Variants in RHBDF1 observed in about 807,000 individuals in gnomAD.
RHBDF1 encodes the protein inactive rhomboid protein 1.
A neutral mutation model predicts 98.6 loss-of-function variants in RHBDF1; 80 were observed. The ratio of observed to expected loss-of-function variants is 0.81; its 90% CI spans 0.68 to 0.98. The LOEUF is 0.98. Among genes scored for constraint, RHBDF1 ranks in the 50% least tolerant of loss-of-function variants. RHBDF1 has a pLI of 0.00. For missense variants in RHBDF1, 1,116 were observed against 1,198.3 expected (o/e 0.93, Z 1.01); for synonymous variants, 512 against 486.8 (o/e 1.05, Z -0.68).
rs1368023324 is a variant in RHBDF1 at position 63,125 on chromosome 16, C to A, written c.520G>T (p.Gly174Cys). ...AFRVADDTAE[G>C]LSAPHTPVTP... ...ACGGGAGTGTGTGGGGCACTCAGGC[C>A]TTCCGCAGTGTCATCTGCCACACGG... Residue 174 changes from glycine (G) to cysteine (C), a missense_variant, in exon 5 of 18, where the codon GGC becomes TGC. Coordinates refer to ENST00000262316, the MANE Select transcript of RHBDF1 (RefSeq NM_022450.5). The A allele has an allele frequency of 1.2e-6, 2 of 1,601,710 alleles. No individual in the cohort carries two copies. The highest frequency in any genetic ancestry group is 3.5e-5 in the Admixed American group (2 of 57,186).
At position 61,126 on chromosome 16, in the gene RHBDF1, C is replaced by A; in HGVS notation, c.1551G>T (p.Glu517Asp). The A allele has an allele frequency of 6.5e-7, 1 of 1,530,636 alleles. No homozygotes were observed. The highest frequency in any genetic ancestry group is 8.8e-7 in the Non-Finnish European group (1 of 1,140,570). 94.8% of individuals were successfully genotyped at this position (1,530,636 alleles called of 1,614,324 possible). ...CCCGGGCGGGGAAACGCACCGAGCA[C>A]TCCTCCTCCGAGGTCTGCACGCAGC... ...RSGCVQTSEE[E>D]CSSTLAVWVK... is the part of the protein sequence containing the mutation. Residue 517 changes from glutamate to aspartate, a missense_variant, in exon 11 of 18, where the codon GAG (glutamate) becomes GAT (aspartate). Transcript: ENST00000262316.
rs1351505767 is a variant in RHBDF1, at chr16:72,515, C to T, written c.-27G>A. The T allele has an allele frequency of 1.2e-6, 1 of 832,878 alleles. No homozygotes were observed. Among genetic ancestry groups the T allele is most frequent in the South Asian group, 6.0e-5 (1 of 16,630 alleles). 51.6% of individuals were successfully genotyped at this position (832,878 alleles called of 1,614,324 possible). On this transcript the variant is annotated splice_region_variant and 5_prime_UTR_variant, in exon 1 of 18. Transcript: ENST00000262316. ...CGCTCCCGGCCGCGCTCACTCACTG[C>T]CGCCGCCGGGGGCTCTGGGGGGTCC...
intron 1 of RHBDF1, among the ~76,000 whole-genome samples, chr16:70,007 CAGGA>C (rs386787511): frequency 1.9e-4 from 26 of 134,176 alleles, no homozygotes; most frequent in Non-Finnish European, 3.2e-4. Flanking sequence ...CAGCACTTGG[CAGGA>C]GGGGGGGGGG....
chr16:66,091 G>A (rs753861467), intron 1 of RHBDF1, among the ~76,000 whole-genome samples: 40 of 152,210 alleles, frequency 2.6e-4, no homozygotes, highest in Admixed American at 1.8e-3. Context: ...GGGACCACAC[G>A]GCGATTCCAG....
intron 3 of RHBDF1, chr16:64,265 C>T: frequency 7.5e-7 from 1 of 1,332,550 alleles, no homozygotes; most frequent in Non-Finnish European, 9.9e-7. Context: ...ACACTGGCAG[C>T]TCCCAAGAGG....
Position 72,552 on chromosome 16 carries a change from G to A in RHBDF1, c.-64C>T, listed in dbSNP as rs1177118938. The A allele has an allele frequency of 1.2e-6, 1 of 831,048 alleles. No homozygotes were observed. Among genetic ancestry groups the A allele is most frequent in the Non-Finnish European group, 1.3e-6 (1 of 759,816 alleles). The allele number at this position is 831,048 out of a possible 1,614,324, so 51.5% of individuals were successfully genotyped here. The stretch of plus-strand genomic sequence containing the variant: ...GCTCTGGGGGGTCCTGAGGGCGCCG[G>A]GGAGGAGGCTGCCGCCGCTGGCCGG... On this transcript the variant is annotated 5_prime_UTR_variant, in exon 1 of 18. Coordinates refer to ENST00000262316, the MANE Select transcript of RHBDF1 (RefSeq NM_022450.5).
chr16:61,346 T>C, intron 10 of RHBDF1, 39 bp downstream of exon 10: 1 of 1,544,800 alleles, frequency 6.5e-7, no homozygotes, highest in South Asian at 1.2e-5. Flanking sequence ...CACCTCCAGG[T>C]CCCGCCCCCG....
upstream of RHBDF1, chr16:72,734 G>C: frequency 1.0e-6 from 1 of 977,114 alleles, no homozygotes; most frequent in Non-Finnish European, 1.2e-6. Context: ...CCCGGCCCAA[G>C]TCACCTCCTC....
chr16:59,088 A>G lies in RHBDF1; in HGVS notation c.2034T>C (p.Thr678=). ...CCAGCTTCTCCAGGTCCCGCAGGAC[A>G]GTCATCTGGAAGCAGATGGACACCA... ...HCLVSICFQM[T]VLRDLEKLAG... Residue 678 remains threonine (T), a synonymous_variant, in exon 17 of 18, where the codon ACT becomes ACC. Transcript: ENST00000262316. 11 of 1,613,638 alleles carry G rather than the reference A, an allele frequency of 6.8e-6. No homozygotes were observed. The highest frequency in any genetic ancestry group is 9.3e-6 in the Non-Finnish European group (11 of 1,180,016).
chr16:62,165 G>T, intron 7 of RHBDF1, 113 bp from the exon 8 acceptor site: 1 of 1,362,100 alleles, frequency 7.3e-7, no homozygotes, highest in Non-Finnish European at 9.6e-7. Context: ...TGCGCAAGTC[G>T]CCCGGCATCT....
intron 1 of RHBDF1, among the ~76,000 whole-genome samples, chr16:70,101 G>A (rs1897933346): frequency 6.6e-6 from 1 of 152,206 alleles, no homozygotes; most frequent in Admixed American, 6.5e-5. Flanking sequence ...GTCTGACAGG[G>A]GCTGACATGG....
chr16:64,532 C>A, intron 3 of RHBDF1, 167 bp downstream of exon 3: 1 of 1,542,942 alleles, frequency 6.5e-7, no homozygotes. Flanking sequence ...GGGGTGAGAG[C>A]GGTCAGTATC....
At chr16:63,953 G>T in intron 3 of RHBDF1, 153 bp from the exon 4 acceptor site, 1 of 773,300 alleles carries the variant, frequency 1.3e-6, no homozygotes, top group Non-Finnish European at 2.3e-6. Context: ...AAGAGGATGA[G>T]TGGGTTCCAG....
chr16:65,124 A>G, intron 1 of RHBDF1, 85 bp from the exon 2 acceptor site: 1 of 1,407,686 alleles, frequency 7.1e-7, no homozygotes, highest in Non-Finnish European at 9.4e-7. Context: ...AGGGAGAAGC[A>G]GTGATGAGCC....
At chr16:70,254 C>A (rs1897937344) in intron 1 of RHBDF1, among the ~76,000 whole-genome samples, 1 of 152,188 alleles carries the variant, frequency 6.6e-6, no homozygotes, top group Admixed American at 6.5e-5. Context: ...CACTGCTAGT[C>A]CCCAGTCTGG....
In RHBDF1 at chr16:59,259, G is replaced by C; in HGVS notation, c.1984C>G (p.Leu662Val). ...CACAGTGTCACTTGCCCGGCGTGCAGGAAGAGGGATAGCCACAGGCGGTAG... is the reference window on the plus strand; with the variant it reads ...CACAGTGTCACTTGCCCGGCGTGCACGAAGAGGGATAGCCACAGGCGGTAG... Reference protein sequence around the residue: ...QFYRLWLSLFLHAGILHCLVS... With the variant: ...QFYRLWLSLFVHAGILHCLVS... The change falls in exon 16 of 18, where the codon CTG becomes GTG. Residue 662 changes from leucine (L) to valine (V), a missense_variant. Coordinates refer to ENST00000262316, the MANE Select transcript of RHBDF1 (RefSeq NM_022450.5). 6.2e-7 allele frequency: 1 copy of C among 1,604,572 alleles called. No homozygotes were observed. The highest frequency in any genetic ancestry group is 8.5e-7 in the Non-Finnish European group (1 of 1,174,526).
chr16:59,861 C>G (rs756728869), intron 13 of RHBDF1, 35 bp from the exon 14 acceptor site: 1 of 1,613,740 alleles, frequency 6.2e-7, no homozygotes, highest in South Asian at 1.1e-5. Flanking sequence ...GAGTCAGGGC[C>G]TCCCCCAACC....
intron 10 of RHBDF1, 32 bp downstream of exon 10, chr16:61,353 C>T: frequency 6.4e-7 from 1 of 1,550,716 alleles, no homozygotes; most frequent in South Asian, 1.2e-5. Flanking sequence ...AGGTCCCGCC[C>T]CCGCCGGCCC....
chr16:60,483 C>A lies in RHBDF1; in HGVS notation c.1614G>T (p.Ala538=). Residue 538 remains alanine (A), a synonymous_variant, in exon 12 of 18, where the codon GCG becomes GCT. Transcript: ENST00000262316. ...CAGAGCCAAACTGTCTCTTGTGGCC[C>A]GCAAGCTCTGGGGCGCTGGGATGGA... ...WPIHPSAPEL[A]GHKRQFGSVC... is the part of the protein sequence containing the mutation. 6.2e-7 allele frequency: 1 copy of A among 1,611,942 alleles called. No homozygotes were observed. Among genetic ancestry groups the A allele is most frequent in the South Asian group, 1.1e-5 (1 of 91,076 alleles).
Sources: gnomAD v4.1 joint callset for allele counts (sites outside exome capture counted in the v4.1 genomes callset) on GRCh38, gnomAD v4.1.1 for gene constraint, MANE v1.5 for transcripts, NCBI Gene and HGNC (gene_info 2026-07-23, HGNC 2026-07-21) for gene names.